DYNC2H1: variants seen among roughly 807,000 people sequenced by gnomAD.
The protein encoded by DYNC2H1 is dynein cytoplasmic 2 heavy chain 1.
A neutral mutation model predicts 570.0 loss-of-function variants in DYNC2H1; 410 were observed. The observed-to-expected ratio is 0.72, with a 90% CI of 0.66 to 0.78. DYNC2H1 has a LOEUF of 0.78. Among genes scored for constraint, DYNC2H1 ranks in the 30% least tolerant of loss-of-function variants. The pLI is 0.00. For synonymous variants in DYNC2H1, 1,688 were observed against 1,677.6 expected (o/e 1.01, Z -0.15); for missense variants, 4,865 against 5,046.4 (o/e 0.96, Z 1.09).
Position 103,326,268 on chromosome 11 carries a change from G to C in DYNC2H1, c.12039+2278G>C, listed in dbSNP as rs1938470424. On this transcript the variant is annotated intron_variant, in intron 82 of 88. Transcript: ENST00000375735. This position sits in a 1 kb window ranked among gnomAD's most constrained non-coding sequence, Gnocchi z 6.1. ...GCGGGGAATAAAATCATCTCACCAGGGCCCCGTCCTTGGCTTTGAGTGAGC... is the reference window on the plus strand; with the variant it reads ...GCGGGGAATAAAATCATCTCACCAGCGCCCCGTCCTTGGCTTTGAGTGAGC... 6.6e-6 allele frequency among the ~76,000 whole-genome samples: 1 copy of C among 152,070 alleles called. No homozygotes were observed. Among genetic ancestry groups the C allele is most frequent in the South Asian group, 2.1e-4 (1 of 4,824 alleles).
At chr11:103,435,787 C>T (rs1944038929) in intron 84 of DYNC2H1, among the ~76,000 whole-genome samples, 156 bp from the exon 85 acceptor site, 1 of 152,112 alleles carries the variant, frequency 6.6e-6, no homozygotes, top group South Asian at 2.1e-4. Context: ...TTAATTCATG[C>T]TGTCTCTACT....
intron 88 of DYNC2H1, among the ~76,000 whole-genome samples, chr11:103,475,041 G>A (rs1945509310): frequency 6.6e-6 from 1 of 152,122 alleles, no homozygotes; most frequent in Non-Finnish European, 1.5e-5. Context: ...GAAAAATTAT[G>A]CAAGATGTTT....
Position 103,264,480 on chromosome 11 carries a change from A to G in DYNC2H1, c.10695+4503A>G, listed in dbSNP as rs545668941. The stretch of plus-strand genomic sequence containing the variant: ...AATAAAATATTGGCAAACCGAATCC[A>G]GCAGCACATCAAAAAGCTTATCCAC... On this transcript the variant is annotated intron_variant, in intron 70 of 88. Coordinates refer to ENST00000375735, the MANE Select transcript of DYNC2H1 (RefSeq NM_001377.3). The surrounding 1 kb of genome is among the most constrained non-coding windows in gnomAD (Gnocchi z 4.8). Among the ~76,000 whole-genome samples, 7 of 152,360 alleles carry G rather than the reference A, an allele frequency of 4.6e-5. No homozygotes were observed. Among genetic ancestry groups the G allele is most frequent in the African/African-American group, 1.7e-4 (7 of 41,588 alleles).
chr11:103,128,881 T>G (rs1000598653), intron 12 of DYNC2H1, 29 bp from the exon 13 acceptor site: 1 of 1,445,070 alleles, frequency 6.9e-7, no homozygotes, highest in African/African-American at 1.4e-5. Context: ...AAGTTATTAA[T>G]TATTACTAAT....
In DYNC2H1 at chr11:103,129,001, T is replaced by G; in HGVS notation, c.1949T>G (p.Ile650Ser). Residue 650 changes from isoleucine to serine, a missense_variant, in exon 13 of 89, where the codon ATT becomes AGT. By Grantham distance (142) the Ile-to-Ser change is moderately radical. This residue lies in a region of DYNC2H1 where 1,936 missense variants were observed against 1,962.1 expected (regional missense o/e 0.99). Transcript: ENST00000375735. This position sits in a 1 kb window ranked among gnomAD's most constrained non-coding sequence, Gnocchi z 4.1. ...LQSALAFEQI[I>S]KNSKAGSGGK... ...TCTGCCTTAGCATTTGAACAGATAA[T>G]TAAGGTAAATGGGCTTTTAATTTTA... is the stretch of plus-strand genomic sequence containing the variant. 2 of 1,599,576 alleles carry G rather than the reference T, an allele frequency of 1.3e-6. No individual in the cohort carries two copies. Among genetic ancestry groups the G allele is most frequent in the African/African-American group, 2.7e-5 (2 of 74,744 alleles).
chr11:103,307,149 TGAC>T (rs796841059), intron 77 of DYNC2H1, among the ~76,000 whole-genome samples: 1 of 152,134 alleles, frequency 6.6e-6, no homozygotes, highest in African/African-American at 2.4e-5. Context: ...TCTGGATAAA[TGAC>T]TAAAGCCCAC....
intron 87 of DYNC2H1, among the ~76,000 whole-genome samples, chr11:103,458,029 CT>C (rs1208746319): frequency 6.6e-6 from 1 of 152,088 alleles, no homozygotes; most frequent in African/African-American, 2.4e-5. Context: ...TTATTGAAGC[CT>C]AAGTGTACAG....
intron 87 of DYNC2H1, among the ~76,000 whole-genome samples, chr11:103,460,523 A>G (rs1944973882): frequency 6.6e-6 from 1 of 151,642 alleles, no homozygotes; most frequent in African/African-American, 2.4e-5. Flanking sequence ...AAATAAGATT[A>G]TAATATTAGT....
rs941671736 is a variant in DYNC2H1, at chr11:103,189,913, C to T, written c.7437+97C>T. The T allele has an allele frequency of 1.2e-5, 16 of 1,296,396 alleles. No homozygotes were observed. In the African/African-American group the frequency reaches 1.6e-4, roughly 13 times the overall value. 80.3% of individuals were successfully genotyped at this position (1,296,396 alleles called of 1,614,324 possible). A position where few individuals can be genotyped will look rare whatever the true frequency, so the allele number is the denominator to read the frequency against. On this transcript the variant is annotated intron_variant, in intron 45 of 88. Coordinates refer to ENST00000375735, the MANE Select transcript of DYNC2H1 (RefSeq NM_001377.3). The surrounding 1 kb of genome is among the most constrained non-coding windows in gnomAD (Gnocchi z 4.3). The stretch of plus-strand genomic sequence containing the variant: ...CCTCTGTGTTGACACCCAGGCTTTA[C>T]TTTCCTGTTTATTAGACTTTTCTAG...
intron 84 of DYNC2H1, among the ~76,000 whole-genome samples, chr11:103,428,839 A>AT (rs1459707516): frequency 6.6e-6 from 1 of 152,112 alleles, no homozygotes; most frequent in African/African-American, 2.4e-5. Flanking sequence ...GGTGAATAAT[A>AT]TTCCATTGTA....
At chr11:103,380,603 C>T (rs1941604323) in intron 83 of DYNC2H1, among the ~76,000 whole-genome samples, 1 of 152,224 alleles carries the variant, frequency 6.6e-6, no homozygotes, top group African/African-American at 2.4e-5. Flanking sequence ...CTCTGTCACC[C>T]AGGGTGGAGT....
At position 103,120,590 on chromosome 11, in the gene DYNC2H1, T is replaced by C. The variant is rs966592513; in HGVS notation, c.1134+9T>C. ...ATAATCCATATACTGAGGTTGTATA[T>C]ATATTTGTTTATGTCTGTACAGTTT... is the stretch of plus-strand genomic sequence containing the variant. On this transcript the variant is annotated intron_variant, in intron 7 of 88. Transcript: ENST00000375735. 1.2e-6 allele frequency: 2 copies of C among 1,608,390 alleles called. No homozygotes were observed. Among genetic ancestry groups the C allele is most frequent in the African/African-American group, 1.3e-5 (1 of 74,688 alleles).
In DYNC2H1 at chr11:103,156,370, A is replaced by G. The variant is rs766068171; in HGVS notation, c.3745-18A>G. 3.8e-6 allele frequency: 6 copies of G among 1,597,754 alleles called. No individual in the cohort carries two copies. The highest frequency in any genetic ancestry group is 2.2e-5 in the East Asian group (1 of 44,614). The stretch of plus-strand genomic sequence containing the variant: ...ATTAATGTTGAAGTAATAAACATGG[A>G]TATTTTGTGTTAAATAGGATTTAAA... On this transcript the variant is annotated intron_variant, in intron 25 of 88. Coordinates refer to ENST00000375735, the MANE Select transcript of DYNC2H1 (RefSeq NM_001377.3).
intron 29 of DYNC2H1, 112 bp from the exon 30 acceptor site, chr11:103,162,916 T>C (rs967260033): frequency 1.1e-6 from 1 of 911,950 alleles, no homozygotes; most frequent in Non-Finnish European, 1.5e-6. Flanking sequence ...ATACCCCGTC[T>C]TGAAATAACA....
intron 70 of DYNC2H1, among the ~76,000 whole-genome samples, chr11:103,262,654 G>T (rs768095445): frequency 6.6e-6 from 1 of 152,112 alleles, no homozygotes; most frequent in Non-Finnish European, 1.5e-5. Context: ...CAAATGCTGA[G>T]AAATTTTGTC....
chr11:103,479,040 A>G (rs1945660495), intron 88 of DYNC2H1, 55 bp from the exon 89 acceptor site: 3 of 1,576,768 alleles, frequency 1.9e-6, no homozygotes, highest in Non-Finnish European at 2.6e-6. Context: ...TTATCTAATA[A>G]TCTGTTTCCA....
rs568634142 is a variant in DYNC2H1 at position 103,319,210 on chromosome 11, T to A, written c.11726-1819T>A. Among the ~76,000 whole-genome samples the A allele has an allele frequency of 6.6e-6, 1 of 152,276 alleles. No individual in the cohort carries two copies. The highest frequency in any genetic ancestry group is 1.5e-5 in the Non-Finnish European group (1 of 67,982). On this transcript the variant is annotated intron_variant, in intron 80 of 88. Transcript: ENST00000375735. The surrounding 1 kb of genome is among the most constrained non-coding windows in gnomAD (Gnocchi z 4.3). ...AGACATAGATATATAAATAGGTATCTTACACCATTATGTTTTGAATAAAAG... is the reference window on the plus strand; with the variant it reads ...AGACATAGATATATAAATAGGTATCATACACCATTATGTTTTGAATAAAAG...
chr11:103,389,592 G>T lies in DYNC2H1; in HGVS notation c.12157-10071G>T, dbSNP rs1002677871. Among the ~76,000 whole-genome samples the T allele has an allele frequency of 3.3e-5, 5 of 151,986 alleles. No homozygotes were observed. In the East Asian group the frequency reaches 7.7e-4, roughly 23 times the overall value. On this transcript the variant is annotated intron_variant, in intron 83 of 88. Coordinates refer to ENST00000375735, the MANE Select transcript of DYNC2H1 (RefSeq NM_001377.3). Reference sequence around the variant, plus strand: ...CTAGTTTTTTAATTGTGATGTTAGGGTGTCAATTTTGGATCTTTCCTGCTT... The same window carrying T: ...CTAGTTTTTTAATTGTGATGTTAGGTTGTCAATTTTGGATCTTTCCTGCTT...
At chr11:103,273,785 C>T (rs1347747130) in intron 70 of DYNC2H1, among the ~76,000 whole-genome samples, 1 of 152,064 alleles carries the variant, frequency 6.6e-6, no homozygotes, top group Non-Finnish European at 1.5e-5. Context: ...ACCCTTGTAT[C>T]AATGTCTATG....
Sources: gnomAD v4.1 joint callset for allele counts (sites outside exome capture counted in the v4.1 genomes callset) on GRCh38, gnomAD v4.1.1 for gene constraint, gnomAD v4.1.1 regional missense constraint, Gnocchi (gnomAD v3.1) non-coding constraint, MANE v1.5 for transcripts, NCBI Gene and HGNC (gene_info 2026-07-23, HGNC 2026-07-21) for gene names.